The following MEI4 variants were observed in gnomAD, a reference collection of about 807,000 sequenced individuals.
The protein encoded by MEI4 is meiosis-specific protein MEI4.
Under a neutral mutation model 31.4 loss-of-function variants are expected in MEI4, and 27 were observed. That is an observed-to-expected ratio of 0.86 (90% confidence interval 0.63 to 1.19). The LOEUF (loss-of-function observed/expected upper bound fraction) is 1.19. Among genes scored for constraint, MEI4 ranks in the 50% most tolerant of loss-of-function variants. The pLI is 0.00. For missense variants in MEI4, 329 were observed against 398.9 expected, an observed-to-expected ratio of 0.82 and a Z score of 1.49; for synonymous variants, 122 against 145.4, an observed-to-expected ratio of 0.84 and a Z score of 1.16.
chr6:77,673,610 C>A (rs758674504), intron 1 of MEI4, among the ~76,000 whole-genome samples: 8 of 152,066 alleles, frequency 5.3e-5, no homozygotes, highest in Non-Finnish European at 1.2e-4. Context: ...TAGCCCCTGA[C>A]CCTCAAGGAA....
intron 3 of MEI4, among the ~76,000 whole-genome samples, chr6:77,809,720 T>C (rs1769528402): frequency 6.6e-6 from 1 of 152,212 alleles, no homozygotes; most frequent in South Asian, 2.1e-4. Context: ...CAAGTCAAAC[T>C]AACCTACTAA....
At chr6:77,695,392 A>T (rs903341224) in intron 2 of MEI4, among the ~76,000 whole-genome samples, 16 of 152,072 alleles carry the variant, frequency 1.1e-4, no homozygotes, top group South Asian at 6.2e-4. Context: ...TTTTTATGGT[A>T]TTAGGTCTAA....
chr6:77,780,103 G>C lies in MEI4; in HGVS notation c.768+18438G>C, dbSNP rs148333041. Among the ~76,000 whole-genome samples the C allele has an allele frequency of 4.6e-3, 702 of 152,284 alleles. 7 individuals are homozygous for C. Among genetic ancestry groups the C allele is most frequent in the South Asian group, 0.021 (103 of 4,826 alleles). On this transcript the variant is annotated intron_variant, in intron 3 of 4. Coordinates refer to ENST00000684080, the MANE Select transcript of MEI4 (RefSeq NM_001322247.2). ...TGACTACATGCAGGGTTGGAGTCCGGTCTGAGGGGTGGGAAAAATTATAAA... is the reference window on the plus strand; with the variant it reads ...TGACTACATGCAGGGTTGGAGTCCGCTCTGAGGGGTGGGAAAAATTATAAA...
At chr6:77,838,815 A>C (rs1770286135) in intron 4 of MEI4, among the ~76,000 whole-genome samples, 1 of 151,996 alleles carries the variant, frequency 6.6e-6, no homozygotes, top group South Asian at 2.1e-4. Context: ...AGGTGGGAGA[A>C]TCACTTGAAC....
intron 3 of MEI4, among the ~76,000 whole-genome samples, chr6:77,798,729 G>A (rs1484970748): frequency 6.8e-6 from 1 of 147,074 alleles, no homozygotes; most frequent in Non-Finnish European, 1.5e-5. Context: ...ACCTATGAGT[G>A]AGAATATGCG....
chr6:77,692,195 T>C (rs1304093771), intron 2 of MEI4, among the ~76,000 whole-genome samples: 1 of 152,040 alleles, frequency 6.6e-6, no homozygotes, highest in African/African-American at 2.4e-5. Context: ...GTTTCTTCTC[T>C]TCCTTTGGTC....
intron 4 of MEI4, among the ~76,000 whole-genome samples, chr6:77,907,219 G>A (rs1243662056): frequency 6.6e-6 from 1 of 151,994 alleles, no homozygotes; most frequent in East Asian, 1.9e-4. Flanking sequence ...CATGTGCCAT[G>A]TTGGTGTGTT....
At chr6:77,658,592 G>A (rs141040059) in intron 1 of MEI4, among the ~76,000 whole-genome samples, 12,547 of 152,084 alleles carry the variant, frequency 0.083, 712 homozygotes, top group East Asian at 0.22. Flanking sequence ...GGGATTAGGG[G>A]CGGCGTGGGA....
chr6:77,765,558 C>T (rs1768151440), intron 3 of MEI4, among the ~76,000 whole-genome samples: 1 of 144,266 alleles, frequency 6.9e-6, no homozygotes, highest in African/African-American at 2.6e-5. Context: ...TAATGCTATC[C>T]CTCTCCCCTC....
At chr6:77,833,282 A>C (rs1770128433) in intron 4 of MEI4, among the ~76,000 whole-genome samples, 2 of 152,066 alleles carry the variant, frequency 1.3e-5, no homozygotes, top group Admixed American at 1.3e-4. Flanking sequence ...CTGGTGACCT[A>C]TTTGATTTTC....
chr6:77,748,039 G>T (rs895503189), intron 2 of MEI4, among the ~76,000 whole-genome samples: 1 of 152,206 alleles, frequency 6.6e-6, no homozygotes, highest in South Asian at 2.1e-4. Context: ...GATGCAAGGG[G>T]TGCCCATGGC....
At chr6:77,870,419 C>T (rs914028605) in intron 4 of MEI4, among the ~76,000 whole-genome samples, 3 of 152,110 alleles carry the variant, frequency 2.0e-5, no homozygotes, top group Non-Finnish European at 4.4e-5. Flanking sequence ...TGCATTTCCA[C>T]GTTTAGAATG....
intron 3 of MEI4, among the ~76,000 whole-genome samples, chr6:77,797,989 C>T (rs903916639): frequency 6.6e-5 from 10 of 151,920 alleles, no homozygotes; most frequent in Admixed American, 1.3e-4. Flanking sequence ...TATGTATGTT[C>T]GAATGACTAC....
At chr6:77,867,408 A>G (rs1169061662) in intron 4 of MEI4, among the ~76,000 whole-genome samples, 1 of 152,242 alleles carries the variant, frequency 6.6e-6, no homozygotes, top group Non-Finnish European at 1.5e-5. Context: ...TCGGCGAAGG[A>G]TATGAACAGA....
In MEI4 at chr6:77,811,689, C is replaced by T. The variant is rs112331682; in HGVS notation, c.769-17242C>T. On this transcript the variant is annotated intron_variant, in intron 3 of 4. Transcript: ENST00000684080. ...ACTGAGGAGGCTGAGGCAGGAGAAT[C>T]GCTTGAACCTGGGAGGTGGAGGTTG... 9.2e-3 allele frequency among the ~76,000 whole-genome samples: 1,391 copies of T among 151,472 alleles called. 17 individuals carry two copies. The highest frequency in any genetic ancestry group is 0.031 in the African/African-American group (1,286 of 41,278).
intron 4 of MEI4, among the ~76,000 whole-genome samples, chr6:77,919,261 C>T (rs1766642631): frequency 6.6e-6 from 1 of 152,028 alleles, no homozygotes; most frequent in Admixed American, 6.6e-5. Context: ...AAGCTCTCCT[C>T]AGCATATGTA....
intron 1 of MEI4, among the ~76,000 whole-genome samples, chr6:77,662,089 G>C (rs1211543952): frequency 6.6e-6 from 1 of 152,182 alleles, no homozygotes; most frequent in Non-Finnish European, 1.5e-5. Context: ...CTGCATGATG[G>C]TGCAGAATAT....
intron 4 of MEI4, among the ~76,000 whole-genome samples, chr6:77,862,255 A>G (rs1770886490): frequency 6.6e-6 from 1 of 152,196 alleles, no homozygotes; most frequent in Non-Finnish European, 1.5e-5. Flanking sequence ...CGCACTGAGC[A>G]TGAGCCGAAG....
At position 77,761,356 on chromosome 6, in the gene MEI4, C is replaced by T. The variant is rs1321183989; in HGVS notation, c.459C>T (p.Phe153=). 2 of 1,232,394 alleles carry T rather than the reference C, an allele frequency of 1.6e-6. No homozygotes were observed. Among genetic ancestry groups the T allele is most frequent in the Non-Finnish European group, 1.0e-6 (1 of 987,974 alleles). The allele number at this position is 1,232,394 out of a possible 1,614,324, so 76.3% of individuals were successfully genotyped here. Residue 153 remains phenylalanine (F), a synonymous_variant, in exon 3 of 5, where the codon TTC becomes TTT. Coordinates refer to ENST00000684080, the MANE Select transcript of MEI4 (RefSeq NM_001322247.2). ...ATCCTTTGTCTTCTCACATGCAATT[C>T]TTGCAATATCTACTTGAATTAAAGA... ...LQNPLSSHMQ[F]LQYLLELKNL... is the part of the protein sequence containing the mutation.
Sources: allele counts gnomAD v4.1 joint callset (sites outside exome capture counted in the v4.1 genomes callset), GRCh38; gene constraint gnomAD v4.1.1; transcripts MANE v1.5; gene names NCBI Gene and HGNC (gene_info 2026-07-23, HGNC 2026-07-21).